The following ZNF416 variants were observed in gnomAD, a reference collection of about 807,000 sequenced individuals.
ZNF416 encodes zinc finger protein 416.
ZNF416 carries 5 observed loss-of-function variants against 10.9 expected under a neutral mutation model. The observed-to-expected ratio is 0.46, with a 90% CI of 0.24 to 0.97. The LOEUF is 0.97. Among genes scored for constraint, ZNF416 ranks in the 50% least tolerant of loss-of-function variants. The pLI, the probability that ZNF416 is intolerant of heterozygous loss-of-function variation, is 0.19. For missense variants in ZNF416, 675 were observed against 715.0 expected, an observed-to-expected ratio of 0.94 and a Z score of 0.64; for synonymous variants, 267 against 251.8, an observed-to-expected ratio of 1.06 and a Z score of -0.57.
chr19:57,578,796 G>T lies in ZNF416; in HGVS notation c.-92C>A. 7.8e-7 allele frequency: 1 copy of T among 1,286,026 alleles called. No homozygotes were observed. Among genetic ancestry groups the T allele is most frequent in the Non-Finnish European group, 1.0e-6 (1 of 982,250 alleles). 79.7% of individuals were successfully genotyped at this position (1,286,026 alleles called of 1,614,324 possible). ...CACCAGCGCCAGCGACCCACCGGCT[G>T]ATGCGCAGCGGGGCGACCCCCGCTC... is the stretch of plus-strand genomic sequence containing the variant. On this transcript the variant is annotated 5_prime_UTR_variant, in exon 1 of 4. Coordinates refer to ENST00000196489, the MANE Select transcript of ZNF416 (RefSeq NM_017879.3).
At position 57,572,516 on chromosome 19, in the gene ZNF416, T is replaced by C. The variant is rs1185562523; in HGVS notation, c.1388A>G (p.Glu463Gly). The change falls in exon 4 of 4, where the codon GAA becomes GGA. Residue 463 changes from glutamate to glycine, a missense_variant. Coordinates refer to ENST00000196489, the MANE Select transcript of ZNF416 (RefSeq NM_017879.3). This position sits in a 1 kb window ranked among gnomAD's most constrained non-coding sequence, Gnocchi z 4.5. Reference protein sequence around the residue: ...LNKHHKVHTAERPYVCGECGK... With the variant: ...LNKHHKVHTAGRPYVCGECGK... ...ACATTCCCCACATACATAAGGCCTT[T>C]CTGCAGTGTGAACTTTGTGGTGTTT... The C allele has an allele frequency of 6.2e-7, 1 of 1,614,096 alleles. No individual in the cohort carries two copies. The highest frequency in any genetic ancestry group is 1.1e-5 in the South Asian group (1 of 91,078).
Position 57,573,513 on chromosome 19 carries a change from C to T in ZNF416, c.391G>A (p.Gly131Arg). The change falls in exon 4 of 4, where the codon GGG becomes AGG. Residue 131 changes from glycine (G) to arginine (R), a missense_variant. Transcript: ENST00000196489. ...DLPGQELYLT[G>R]ACAVFHQDQK... ...TCCTGGTGAAAGACCGCACATGCCC[C>T]AGTCAAGTATAGTTCCTGCCCAGGC... 1 of 1,614,228 alleles carries T rather than the reference C, an allele frequency of 6.2e-7. No individual in the cohort carries two copies. The highest frequency in any genetic ancestry group is 8.5e-7 in the Non-Finnish European group (1 of 1,180,046).
Position 57,572,082 on chromosome 19 carries a change from A to C in ZNF416, c.*37T>G, listed in dbSNP as rs767492775. On this transcript the variant is annotated 3_prime_UTR_variant, in exon 4 of 4. Coordinates refer to ENST00000196489, the MANE Select transcript of ZNF416 (RefSeq NM_017879.3). This position sits in a 1 kb window ranked among gnomAD's most constrained non-coding sequence, Gnocchi z 4.5. ...AAGAAAGACATGGCACATTCCCTGCAGGTCTAAGGCTTTTCTCAGGTTTGG... is the reference window on the plus strand; with the variant it reads ...AAGAAAGACATGGCACATTCCCTGCCGGTCTAAGGCTTTTCTCAGGTTTGG... 1.3e-6 allele frequency: 2 copies of C among 1,582,608 alleles called. No homozygotes were observed. Among genetic ancestry groups the C allele is most frequent in the South Asian group, 2.3e-5 (2 of 86,972 alleles).
rs141508737 is a variant in ZNF416, at chr19:57,573,337, C to A, written c.567G>T (p.Pro189=). 18 of 1,614,246 alleles carry A rather than the reference C, an allele frequency of 1.1e-5. No homozygotes were observed. The highest frequency in any genetic ancestry group is 1.5e-5 in the Non-Finnish European group (18 of 1,180,038). Residue 189 remains proline (P), a synonymous_variant, in exon 4 of 4, where the codon CCG becomes CCT. Coordinates refer to ENST00000196489, the MANE Select transcript of ZNF416 (RefSeq NM_017879.3). ...DFLAPLGILQ[P]QAIANYEKPN... is the part of the protein sequence containing the mutation. ...GCTTCTCATAGTTAGCAATAGCTTG[C>A]GGCTGAAGAATGCCCAATGGGGCTA...
chr19:57,573,626 G>T lies in ZNF416; in HGVS notation c.278C>A (p.Thr93Asn), dbSNP rs1231266628. 1 of 1,614,202 alleles carries T rather than the reference G, an allele frequency of 6.2e-7. No individual in the cohort carries two copies. Among genetic ancestry groups the T allele is most frequent in the Non-Finnish European group, 8.5e-7 (1 of 1,180,024 alleles). Residue 93 changes from threonine (T) to asparagine (N), a missense_variant, in exon 4 of 4, where the codon ACT becomes AAT. Physicochemically the swap from Thr to Asn is moderately conservative, Grantham distance 65. Coordinates refer to ENST00000196489, the MANE Select transcript of ZNF416 (RefSeq NM_017879.3). ...CTGGGTGGATGGACTGGCCTCTGGA[G>T]TCCTGACCTGAGGTACTCCTTCTAC... is the stretch of plus-strand genomic sequence containing the variant. ...VSVEGVPQVR[T>N]PEASPSTQKI...
Position 57,578,832 on chromosome 19 carries a change from G to A in ZNF416, c.-128C>T, listed in dbSNP as rs1568608836. The A allele has an allele frequency of 5.1e-6, 5 of 974,152 alleles. No homozygotes were observed. The Admixed American group carries it at 2.1e-4, about 41-fold the overall frequency. 60.3% of individuals were successfully genotyped at this position (974,152 alleles called of 1,614,324 possible). On this transcript the variant is annotated 5_prime_UTR_variant, in exon 1 of 4. Transcript: ENST00000196489. ...GGGCGACCCCCGCTCTGTGCCGGAG[G>A]CAGCGTTTCTAACTCAGGCGGCGTG...
At chr19:57,577,079 G>A (rs184827108) in intron 2 of ZNF416, among the ~76,000 whole-genome samples, 11 of 152,080 alleles carry the variant, frequency 7.2e-5, no homozygotes, top group Non-Finnish European at 1.2e-4. Context: ...AAGTGATCAC[G>A]ATTCCACCTC....
chr19:57,576,701 C>A (rs749791438), intron 2 of ZNF416, among the ~76,000 whole-genome samples: 1 of 151,872 alleles, frequency 6.6e-6, no homozygotes, highest in African/African-American at 2.4e-5. Context: ...CCCAGGGGAC[C>A]CCCACACCTC....
intron 1 of ZNF416, 122 bp downstream of exon 1, chr19:57,578,550 C>T: frequency 8.8e-7 from 1 of 1,133,152 alleles, no homozygotes; most frequent in Non-Finnish European, 1.2e-6. Flanking sequence ...GCCCCACCCG[C>T]GAGGGCCTCA....
rs201135447 is a variant in ZNF416 at position 57,572,795 on chromosome 19, A to G, written c.1109T>C (p.Val370Ala). The change falls in exon 4 of 4, where the codon GTT becomes GCT. Residue 370 changes from valine (V) to alanine (A), a missense_variant. Val to Ala is a moderately conservative substitution (Grantham distance 64). Transcript: ENST00000196489. The surrounding 1 kb of genome is among the most constrained non-coding windows in gnomAD (Gnocchi z 4.5). ...GKAFGSKSTLVRHQRTHTGEK... is the reference protein window; with the variant it reads ...GKAFGSKSTLARHQRTHTGEK... ...TCCTGTGTGAGTTCTCTGGTGTCGA[A>G]CAAGAGTGGATTTGGACCCAAAGGC... The G allele has an allele frequency of 6.2e-7, 1 of 1,614,180 alleles. No individual in the cohort carries two copies. Among genetic ancestry groups the G allele is most frequent in the East Asian group, 2.2e-5 (1 of 44,884 alleles).
In ZNF416 at chr19:57,575,143, A is replaced by T. The variant is rs1458011945; in HGVS notation, c.202+661T>A. Reference sequence around the variant, plus strand: ...TGACACAGGGCAAATTCCTGGTAAGATTAGAAAACAGGCTGGATGCCATGT... The same window carrying T: ...TGACACAGGGCAAATTCCTGGTAAGTTTAGAAAACAGGCTGGATGCCATGT... On this transcript the variant is annotated intron_variant, in intron 3 of 3. Coordinates refer to ENST00000196489, the MANE Select transcript of ZNF416 (RefSeq NM_017879.3). This position sits in a 1 kb window ranked among gnomAD's most constrained non-coding sequence, Gnocchi z 4.4. 1.3e-5 allele frequency among the ~76,000 whole-genome samples: 2 copies of T among 152,222 alleles called. No individual in the cohort carries two copies. The highest frequency in any genetic ancestry group is 2.4e-5 in the African/African-American group (1 of 41,452).
chr19:57,573,578 C>T lies in ZNF416; in HGVS notation c.326G>A (p.Cys109Tyr). ...CAAAATGTCGGTCAGGAATGGGACACACATGTCACAGGATTGAATCTTCTG... is the reference window on the plus strand; with the variant it reads ...CAAAATGTCGGTCAGGAATGGGACATACATGTCACAGGATTGAATCTTCTG... ...STQKIQSCDM[C>Y]VPFLTDILHL... The change falls in exon 4 of 4, where the codon TGT (cysteine) becomes TAT (tyrosine). Residue 109 changes from cysteine (C) to tyrosine (Y), a missense_variant. Coordinates refer to ENST00000196489, the MANE Select transcript of ZNF416 (RefSeq NM_017879.3). 1 of 1,614,184 alleles carries T rather than the reference C, an allele frequency of 6.2e-7. No homozygotes were observed. Among genetic ancestry groups the T allele is most frequent in the African/African-American group, 1.3e-5 (1 of 75,032 alleles).
At chr19:57,577,070 A>C (rs1266334152) in intron 2 of ZNF416, among the ~76,000 whole-genome samples, 15 of 152,172 alleles carry the variant, frequency 9.9e-5, no homozygotes, top group African/African-American at 3.4e-4. Flanking sequence ...GCATTACCAA[A>C]GTGATCACGA....
rs145751549 is a variant in ZNF416 at position 57,573,515 on chromosome 19, G to A, written c.389C>T (p.Thr130Ile). The A allele has an allele frequency of 2.3e-5, 37 of 1,614,098 alleles. No homozygotes were observed. The highest frequency in any genetic ancestry group is 2.8e-5 in the Non-Finnish European group (33 of 1,180,044). The change falls in exon 4 of 4, where the codon ACT becomes ATT. Residue 130 changes from threonine to isoleucine, a missense_variant. Coordinates refer to ENST00000196489, the MANE Select transcript of ZNF416 (RefSeq NM_017879.3). ...TDLPGQELYL[T>I]GACAVFHQDQ... ...CTGGTGAAAGACCGCACATGCCCCA[G>A]TCAAGTATAGTTCCTGCCCAGGCAA...
intron 3 of ZNF416, 117 bp from the exon 4 acceptor site, chr19:57,573,818 C>T (rs1978423031): frequency 1.5e-6 from 2 of 1,346,860 alleles, no homozygotes; most frequent in Admixed American, 4.6e-5. Flanking sequence ...CTTTGCTGGC[C>T]TGAGCTCAGG....
Position 57,572,468 on chromosome 19 carries a change from G to T in ZNF416, c.1436C>A (p.Ser479Tyr). Residue 479 changes from serine to tyrosine, a missense_variant, in exon 4 of 4, where the codon TCT becomes TAT. By Grantham distance (144) the Ser-to-Tyr change is moderately radical (BLOSUM62 -2). Transcript: ENST00000196489. This position sits in a 1 kb window ranked among gnomAD's most constrained non-coding sequence, Gnocchi z 4.5. ...GECGKAFMFK[S>Y]KLVRHQRTHT... ...AGTTCTCTGGTGCCTAACAAGTTTA[G>T]ATTTGAACATAAAAGCTTTCCCACA... 6.2e-7 allele frequency: 1 copy of T among 1,614,104 alleles called. No homozygotes were observed.
At chr19:57,576,460 T>A (rs979967048) in intron 2 of ZNF416, among the ~76,000 whole-genome samples, 1 of 152,064 alleles carries the variant, frequency 6.6e-6, no homozygotes, top group African/African-American at 2.4e-5. Context: ...CTTGGCAAAC[T>A]GAAATGAGGT....
rs1020734406 is a variant in ZNF416, at chr19:57,573,115, G to T, written c.789C>A (p.Val263=). The change falls in exon 4 of 4, where the codon GTC becomes GTA. Residue 263 remains valine (V), a synonymous_variant. Coordinates refer to ENST00000196489, the MANE Select transcript of ZNF416 (RefSeq NM_017879.3). ...ACTCATAAGGCCTTTCTCCAGGGTG[G>T]ACTCTTTGCAGCTGAACAAGGGAGC... is the stretch of plus-strand genomic sequence containing the variant. ...CECSLVQLQR[V]HPGERPYECS... 1 of 1,614,192 alleles carries T rather than the reference G, an allele frequency of 6.2e-7. No homozygotes were observed. Among genetic ancestry groups the T allele is most frequent in the African/African-American group, 1.3e-5 (1 of 75,034 alleles).
At chr19:57,574,093 C>G (rs1398659700) in intron 3 of ZNF416, among the ~76,000 whole-genome samples, 1 of 152,090 alleles carries the variant, frequency 6.6e-6, no homozygotes, top group Non-Finnish European at 1.5e-5. Context: ...CCAGAGTGAG[C>G]CAACTCTTAA....
Sources: gnomAD v4.1 joint callset for allele counts (sites outside exome capture counted in the v4.1 genomes callset) on GRCh38, gnomAD v4.1.1 for gene constraint, Gnocchi (gnomAD v3.1) non-coding constraint, MANE v1.5 for transcripts, NCBI Gene and HGNC (gene_info 2026-07-23, HGNC 2026-07-21) for gene names.